Variants in PAPPA observed in about 807,000 individuals in gnomAD.
PAPPA encodes pappalysin-1.
A neutral mutation model predicts 164.0 loss-of-function variants in PAPPA; 60 were observed. That is an observed-to-expected ratio of 0.37 (90% confidence interval 0.30 to 0.45). PAPPA has a LOEUF of 0.45. PAPPA is among the 20% of genes least tolerant of loss of function. The pLI is 1.00. For missense variants in PAPPA, 1,782 were observed against 2,087.3 expected (o/e 0.85, Z 2.85); for synonymous variants, 875 against 814.1 (o/e 1.07, Z -1.27).
chr9:116,160,741 C>T (rs1843656749), intron 1 of PAPPA, among the ~76,000 whole-genome samples: 1 of 152,154 alleles, frequency 6.6e-6, no homozygotes, highest in Non-Finnish European at 1.5e-5. Context: ...GTTCTCCTAA[C>T]TTTCTTCTTA....
intron 21 of PAPPA, among the ~76,000 whole-genome samples, chr9:116,384,913 G>A (rs958986267): frequency 1.3e-5 from 2 of 152,186 alleles, no homozygotes; most frequent in Non-Finnish European, 2.9e-5. Context: ...TTAAAATAAT[G>A]TTCCTATCTA....
At chr9:116,267,022 G>T (rs370252352) in intron 8 of PAPPA, among the ~76,000 whole-genome samples, 2 of 152,256 alleles carry the variant, frequency 1.3e-5, no homozygotes, top group South Asian at 2.1e-4. Flanking sequence ...TAATATCTGT[G>T]CAATATGGAA....
intron 13 of PAPPA, 127 bp from the exon 14 acceptor site, chr9:116,344,416 C>A: frequency 2.3e-6 from 2 of 859,580 alleles, no homozygotes; most frequent in Non-Finnish European, 3.6e-6. Context: ...TAGCCAGCAC[C>A]CCTTTCTGTC....
In PAPPA at chr9:116,302,906, C is replaced by T; in HGVS notation, c.3103C>T (p.Gln1035Ter). ...TGCTTCAGTATCTCATCAAGACCAG[C>T]AATGCCCAGGCTGGGTCATCATCGG... ...SNASVSHQDQ[Q>*]CPGWVIIGQP... The change falls in exon 10 of 22, where the codon CAA becomes TAA. Residue 1035 changes from glutamine (Q) to a stop codon, truncating the protein, a stop_gained. Coordinates refer to ENST00000328252, the MANE Select transcript of PAPPA (RefSeq NM_002581.5). LOFTEE classifies it high-confidence loss of function. The T allele has an allele frequency of 6.2e-7, 1 of 1,614,020 alleles. No homozygotes were observed. Among genetic ancestry groups the T allele is most frequent in the Non-Finnish European group, 8.5e-7 (1 of 1,179,972 alleles).
At position 116,335,032 on chromosome 9, in the gene PAPPA, G is replaced by A. The variant is rs1266238638; in HGVS notation, c.3569G>A (p.Ser1190Asn). 1 of 1,613,620 alleles carries A rather than the reference G, an allele frequency of 6.2e-7. No homozygotes were observed. Among genetic ancestry groups the A allele is most frequent in the African/African-American group, 1.3e-5 (1 of 74,920 alleles). Reference protein sequence around the residue: ...SFDNFDPVTLSSCQRGETYSP... With the variant: ...SFDNFDPVTLNSCQRGETYSP... ...GACAACTTTGACCCCGTCACCCTGA[G>A]CAGCTGCCAGAGAGGGGAGACCTAC... The change falls in exon 13 of 22, where the codon AGC becomes AAC. Residue 1190 changes from serine (S) to asparagine (N), a missense_variant. Physicochemically the swap from Ser to Asn is conservative, Grantham distance 46. This residue lies in a region of PAPPA where 1,324 missense variants were observed against 1,656.9 expected (regional missense o/e 0.80). Transcript: ENST00000328252.
intron 7 of PAPPA, among the ~76,000 whole-genome samples, chr9:116,242,194 A>G (rs527953010): frequency 2.2e-4 from 33 of 152,200 alleles, no homozygotes; most frequent in Non-Finnish European, 4.4e-4. Context: ...CTGTGAGAAA[A>G]CATGGGAAGG....
chr9:116,344,818 C>CTGGGTATTTAGCAGAGAACATGGTTAA, intron 14 of PAPPA, 107 bp downstream of exon 14: 1 of 884,592 alleles, frequency 1.1e-6, no homozygotes, highest in Non-Finnish European at 1.7e-6. Context: ...AATAGTGCTG[C>CTGGGTATTTAGCAGAGAACATGGTTAA]CACATAGTAG....
chr9:116,275,890 G>A (rs946912983), intron 9 of PAPPA, among the ~76,000 whole-genome samples: 1 of 152,136 alleles, frequency 6.6e-6, no homozygotes, highest in South Asian at 2.1e-4. Context: ...GTGTTATTAT[G>A]CAACACCCTG....
At chr9:116,382,540 C>T in intron 21 of PAPPA, 47 bp downstream of exon 21, 1 of 1,154,016 alleles carries the variant, frequency 8.7e-7, no homozygotes, top group South Asian at 1.2e-5. Context: ...CCCACTTCTC[C>T]AGCTTGTGGG....
At chr9:116,270,789 C>T (rs1429212546) in intron 8 of PAPPA, among the ~76,000 whole-genome samples, 1 of 151,806 alleles carries the variant, frequency 6.6e-6, no homozygotes, top group African/African-American at 2.4e-5. Context: ...AATGACACAC[C>T]CGATGGAGAA....
In PAPPA at chr9:116,158,910, C is replaced by G. The variant is rs148319619; in HGVS notation, c.415+4323C>G. On this transcript the variant is annotated intron_variant, in intron 1 of 21. Transcript: ENST00000328252. ...AGTGGAGAGAGCCTAGATGTGAACC[C>G]AAGTCCTCGTTTCCTCTGTCAGCAG... 2.9e-3 allele frequency among the ~76,000 whole-genome samples: 439 copies of G among 152,318 alleles called. 1 individual carries two copies. Among genetic ancestry groups the G allele is most frequent in the African/African-American group, 0.01 (420 of 41,556 alleles).
chr9:116,344,739 T>A, intron 14 of PAPPA, 28 bp downstream of exon 14: 1 of 1,597,038 alleles, frequency 6.3e-7, no homozygotes, highest in Non-Finnish European at 8.6e-7. Context: ...GCTCAGAGCC[T>A]CTCTGCAGCC....
chr9:116,347,349 G>A lies in PAPPA; in HGVS notation c.3964+140G>A. The A allele has an allele frequency of 4.6e-6, 3 of 648,486 alleles. No individual in the cohort carries two copies. Among genetic ancestry groups the A allele is most frequent in the South Asian group, 4.5e-5 (2 of 44,032 alleles). The allele number at this position is 648,486 out of a possible 1,614,324, so 40.2% of individuals were successfully genotyped here. ...TGCTCCTGACTTCTTCCTACTAATT[G>A]TATTTATGTAAACTGCCCTGCTATG... is the stretch of plus-strand genomic sequence containing the variant. On this transcript the variant is annotated intron_variant, in intron 15 of 21. Transcript: ENST00000328252. The surrounding 1 kb of genome is among the most constrained non-coding windows in gnomAD (Gnocchi z 4.5).
intron 10 of PAPPA, among the ~76,000 whole-genome samples, chr9:116,321,768 C>T (rs1218592499): frequency 6.6e-6 from 1 of 152,164 alleles, no homozygotes; most frequent in Non-Finnish European, 1.5e-5. Flanking sequence ...ATTTGGTGAG[C>T]CCTGCCCAGT....
intron 17 of PAPPA, among the ~76,000 whole-genome samples, chr9:116,359,184 C>T (rs1226655850): frequency 1.3e-5 from 2 of 152,196 alleles, no homozygotes; most frequent in East Asian, 1.9e-4. Context: ...CTCACTTTTT[C>T]ACTTTCTAAC....
intron 8 of PAPPA, among the ~76,000 whole-genome samples, chr9:116,266,194 G>A (rs367647206): frequency 5.9e-5 from 9 of 152,136 alleles, no homozygotes; most frequent in East Asian, 1.9e-4. Flanking sequence ...TACATTTTGC[G>A]ACTATGTAAT....
At chr9:116,392,818 G>GTCTT (rs1037602120) in intron 21 of PAPPA, among the ~76,000 whole-genome samples, 2 of 152,168 alleles carry the variant, frequency 1.3e-5, no homozygotes, top group Non-Finnish European at 2.9e-5. Context: ...AAAGACCCTT[G>GTCTT]TCTTACAGAT....
intron 9 of PAPPA, among the ~76,000 whole-genome samples, chr9:116,289,346 G>GCCATATATATA (rs1564212401): frequency 1.9e-5 from 2 of 104,818 alleles, no homozygotes; most frequent in East Asian, 2.6e-4. Flanking sequence ...GCATATATAT[G>GCCATATATATA]GCATATATAT....
At chr9:116,385,233 CAAAA>C (rs1220423676) in intron 21 of PAPPA, among the ~76,000 whole-genome samples, 4 of 119,074 alleles carry the variant, frequency 3.4e-5, no homozygotes, top group Non-Finnish European at 7.0e-5. Flanking sequence ...GACTCCATCT[CAAAA>C]TAAATAAATA....
Sources: gnomAD v4.1 joint callset for allele counts (sites outside exome capture counted in the v4.1 genomes callset) on GRCh38, gnomAD v4.1.1 for gene constraint, gnomAD v4.1.1 regional missense constraint, Gnocchi (gnomAD v3.1) non-coding constraint, MANE v1.5 for transcripts, NCBI Gene and HGNC (gene_info 2026-07-23, HGNC 2026-07-21) for gene names.